The following CSMD3 variants were observed in gnomAD, a reference collection of about 807,000 sequenced individuals.
CSMD3 encodes CUB and sushi domain-containing protein 3.
In CSMD3, 177 loss-of-function variants were observed where a neutral mutation model predicts 435.2. The observed-to-expected ratio is 0.41, with a 90% CI of 0.36 to 0.46. CSMD3 has a LOEUF of 0.46. Among genes scored for constraint, CSMD3 ranks in the 20% least tolerant of loss-of-function variants. The pLI, the probability that CSMD3 is intolerant of heterozygous loss-of-function variation, is 0.34. For synonymous variants in CSMD3, 1,656 were observed against 1,520.5 expected (o/e 1.09, Z -2.07); for missense variants, 4,265 against 4,504.6 (o/e 0.95, Z 1.52).
At chr8:112,376,872 T>C (rs1828992130) in intron 38 of CSMD3, among the ~76,000 whole-genome samples, 1 of 152,176 alleles carries the variant, frequency 6.6e-6, no homozygotes, top group Non-Finnish European at 1.5e-5. Context: ...GGTAAACTGC[T>C]ATGAAAGATT....
chr8:112,808,108 G>C (rs1268533110), intron 12 of CSMD3, among the ~76,000 whole-genome samples: 1 of 152,158 alleles, frequency 6.6e-6, no homozygotes, highest in African/African-American at 2.4e-5. Flanking sequence ...TAAGGTACAT[G>C]TGGCAGTTTT....
At chr8:113,191,212 C>A (rs1246526175) in intron 3 of CSMD3, among the ~76,000 whole-genome samples, 6 of 151,712 alleles carry the variant, frequency 4.0e-5, no homozygotes, top group Admixed American at 4.0e-4. Flanking sequence ...TTCTCAAATT[C>A]CATGATAGTT....
intron 5 of CSMD3, among the ~76,000 whole-genome samples, chr8:113,024,847 T>C (rs546871183): frequency 6.6e-6 from 1 of 152,280 alleles, no homozygotes; most frequent in South Asian, 2.1e-4. Context: ...ACATTGTACC[T>C]ATCAAGTAAT....
intron 1 of CSMD3, among the ~76,000 whole-genome samples, chr8:113,340,428 T>C (rs997073287): frequency 2.6e-5 from 4 of 152,144 alleles, no homozygotes; most frequent in Non-Finnish European, 5.9e-5. Flanking sequence ...GTAACCTACA[T>C]ACTTATTCAT....
At chr8:112,702,564 C>T (rs1690118847) in intron 13 of CSMD3, among the ~76,000 whole-genome samples, 1 of 152,028 alleles carries the variant, frequency 6.6e-6, no homozygotes, top group South Asian at 2.1e-4. Context: ...TCTCTGCTCG[C>T]TTTTTGCACT....
At chr8:113,351,088 C>T (rs977797590) in intron 1 of CSMD3, among the ~76,000 whole-genome samples, 7 of 152,122 alleles carry the variant, frequency 4.6e-5, no homozygotes, top group African/African-American at 1.7e-4. Context: ...CACCACACTC[C>T]ATTAGTGTGC....
At chr8:113,181,902 G>A (rs1588219472) in intron 3 of CSMD3, among the ~76,000 whole-genome samples, 1 of 152,120 alleles carries the variant, frequency 6.6e-6, no homozygotes, top group African/African-American at 2.4e-5. Flanking sequence ...ACAAGTATCT[G>A]TATTAAGACT....
At chr8:112,493,104 T>C (rs1820867988) in intron 30 of CSMD3, among the ~76,000 whole-genome samples, 1 of 152,104 alleles carries the variant, frequency 6.6e-6, no homozygotes, top group Admixed American at 6.6e-5. Flanking sequence ...TTCTGTCTTT[T>C]TGGGGGGGCT....
chr8:113,000,907 A>T (rs1386752291), intron 6 of CSMD3, among the ~76,000 whole-genome samples: 1 of 152,034 alleles, frequency 6.6e-6, no homozygotes, highest in African/African-American at 2.4e-5. Flanking sequence ...TTGAACTTAA[A>T]CATCACAGTC....
intron 47 of CSMD3, among the ~76,000 whole-genome samples, chr8:112,317,885 A>C (rs1822619923): frequency 6.6e-6 from 1 of 152,058 alleles, no homozygotes; most frequent in Admixed American, 6.6e-5. Context: ...TCCAAACGAA[A>C]CCTAAAGAAG....
At chr8:112,260,647 C>T (rs1816296737) in intron 61 of CSMD3, among the ~76,000 whole-genome samples, 1 of 151,992 alleles carries the variant, frequency 6.6e-6, no homozygotes, top group South Asian at 2.1e-4. Flanking sequence ...CTACTTGACC[C>T]TATCTGTCCT....
chr8:113,289,637 C>A (rs114774516), intron 2 of CSMD3, among the ~76,000 whole-genome samples: 1 of 151,254 alleles, frequency 6.6e-6, no homozygotes, highest in African/African-American at 2.4e-5. Context: ...ATTGAGTCAA[C>A]TGACTTCCTC....
At chr8:112,414,283 T>C (rs1315561225) in intron 32 of CSMD3, among the ~76,000 whole-genome samples, 2 of 152,114 alleles carry the variant, frequency 1.3e-5, no homozygotes, top group East Asian at 1.9e-4. Flanking sequence ...CCCTGAGAGG[T>C]AATTGAATCA....
intron 13 of CSMD3, among the ~76,000 whole-genome samples, chr8:112,782,962 A>G (rs572939789): frequency 2.0e-5 from 3 of 152,218 alleles, no homozygotes; most frequent in Admixed American, 2.0e-4. Context: ...TTCAATCTGA[A>G]AGAAAAAAAT....
intron 22 of CSMD3, among the ~76,000 whole-genome samples, chr8:112,624,841 T>C (rs920016368): frequency 9.9e-5 from 15 of 152,002 alleles, no homozygotes; most frequent in African/African-American, 3.4e-4. Context: ...GGGCACTTGG[T>C]TTTGACAAGC....
chr8:113,049,109 G>GGTGC (rs2087970148), intron 5 of CSMD3, among the ~76,000 whole-genome samples: 1 of 152,062 alleles, frequency 6.6e-6, no homozygotes, highest in South Asian at 2.1e-4. Context: ...TATGGTGGTG[G>GGTGC]GTGCCTGTAA....
chr8:113,277,702 G>T (rs2093582457), intron 3 of CSMD3, among the ~76,000 whole-genome samples: 1 of 151,886 alleles, frequency 6.6e-6, no homozygotes, highest in Non-Finnish European at 1.5e-5. Flanking sequence ...TGGTCCTGGG[G>T]AGATGAATTG....
chr8:113,188,051 C>T (rs1405578025), intron 3 of CSMD3, among the ~76,000 whole-genome samples: 1 of 151,958 alleles, frequency 6.6e-6, no homozygotes, highest in Non-Finnish European at 1.5e-5. Context: ...TAAACCAATT[C>T]CCACCTTCTC....
At chr8:112,264,976 A>C (rs1816797390) in intron 60 of CSMD3, among the ~76,000 whole-genome samples, 1 of 152,054 alleles carries the variant, frequency 6.6e-6, no homozygotes, top group Non-Finnish European at 1.5e-5. Context: ...CCATTATTTA[A>C]GAAAAATTAC....
Sources: allele counts gnomAD v4.1 joint callset (sites outside exome capture counted in the v4.1 genomes callset), GRCh38; gene constraint gnomAD v4.1.1; transcripts MANE v1.5; gene names NCBI Gene and HGNC (gene_info 2026-07-23, HGNC 2026-07-21).